YBX1: variants seen among roughly 807,000 people sequenced by gnomAD.
YBX1 encodes the protein Y-box binding protein 1.
A neutral mutation model predicts 41.4 loss-of-function variants in YBX1; 3 were observed. That is an observed-to-expected ratio of 0.07 (90% CI 0.03 to 0.19). The LOEUF is 0.19. Ranked by LOEUF, YBX1 falls within the 10% of genes least tolerant of loss-of-function variation. The probability of loss-of-function intolerance (pLI) is 1.00; values close to 1 mark genes in which losing one functional copy is unlikely to be tolerated. For synonymous variants in YBX1, 133 were observed against 165.8 expected, an observed-to-expected ratio of 0.80 and a Z score of 1.52; for missense variants, 274 against 462.8, an observed-to-expected ratio of 0.59 and a Z score of 3.74.
rs769515534 is a variant in YBX1, at chr1:42,683,400, C to T, written c.167-3C>T. 6.8e-6 allele frequency: 11 copies of T among 1,614,182 alleles called. No individual in the cohort carries two copies. In the Admixed American group the frequency reaches 1.3e-4, roughly 20 times the overall value. The stretch of plus-strand genomic sequence containing the variant: ...GCTTGTTTTGCTTTGTTTTCTTTTC[C>T]AGCAACGAAGGTTTTGGGAACAGTA... On this transcript the variant is annotated splice_polypyrimidine_tract_variant and splice_region_variant and intron_variant, in intron 1 of 7. Transcript: ENST00000321358.
At chr1:42,693,300 G>GT (rs1347744519) in intron 2 of YBX1, among the ~76,000 whole-genome samples, 190 bp from the exon 3 acceptor site, 2 of 151,052 alleles carry the variant, frequency 1.3e-5, no homozygotes, top group Non-Finnish European at 2.9e-5. Context: ...TATCTTACGG[G>GT]TAATGAGGCT....
intron 2 of YBX1, among the ~76,000 whole-genome samples, chr1:42,684,880 A>G (rs1438685634): frequency 6.6e-6 from 1 of 152,204 alleles, no homozygotes; most frequent in African/African-American, 2.4e-5. Context: ...CCCTTAAACC[A>G]GTGGTTTTCA....
chr1:42,682,594 C>T lies in YBX1; in HGVS notation c.29C>T (p.Pro10Leu), dbSNP rs1174170325. The change falls in exon 1 of 8, where the codon CCG becomes CTG. Residue 10 changes from proline (P) to leucine (L), a missense_variant. Physicochemically the swap from Pro to Leu is moderately conservative, Grantham distance 98. Transcript: ENST00000321358. ...AGCAGCGAGGCCGAGACCCAGCAGC[C>T]GCCCGCCGCCCCCCCCGCCGCCCCC... MSSEAETQQ[P>L]PAAPPAAPAL... is the part of the protein sequence containing the mutation. The T allele has an allele frequency of 3.4e-6, 5 of 1,455,130 alleles. No individual in the cohort carries two copies. The highest frequency in any genetic ancestry group is 4.9e-5 in the Admixed American group (2 of 40,860). 90.1% of individuals were successfully genotyped at this position (1,455,130 alleles called of 1,614,324 possible).
At position 42,683,440 on chromosome 1, in the gene YBX1, A is replaced by T. The variant is rs1460498820; in HGVS notation, c.204A>T (p.Val68=). The T allele has an allele frequency of 6.2e-7, 1 of 1,613,958 alleles. No homozygotes were observed. The highest frequency in any genetic ancestry group is 1.1e-5 in the South Asian group (1 of 91,084). The change falls in exon 2 of 8, where the codon GTA becomes GTT. Residue 68 remains valine (V), a synonymous_variant. Transcript: ENST00000321358. ...TGGGAACAGTAAAATGGTTCAATGT[A>T]AGGAACGGATATGGTTTCATCAACA... ...KVLGTVKWFN[V]RNGYGFINRN...
chr1:42,690,699 C>G (rs1422613008), intron 2 of YBX1, among the ~76,000 whole-genome samples: 1 of 152,218 alleles, frequency 6.6e-6, no homozygotes, highest in East Asian at 1.9e-4. Context: ...GTTCATACCT[C>G]TCATCTTTAG....
intron 2 of YBX1, among the ~76,000 whole-genome samples, chr1:42,685,252 C>G (rs1650165507): frequency 6.6e-6 from 1 of 152,152 alleles, no homozygotes. Context: ...CCATGAGATA[C>G]TGTTCATTGA....
chr1:42,699,572 A>G (rs1650543542), intron 6 of YBX1, among the ~76,000 whole-genome samples: 1 of 151,368 alleles, frequency 6.6e-6, no homozygotes, highest in Non-Finnish European at 1.5e-5. Flanking sequence ...TTAGTGGTAG[A>G]CTTTATACTT....
intron 6 of YBX1, among the ~76,000 whole-genome samples, chr1:42,700,550 C>T (rs1650568604): frequency 6.7e-6 from 1 of 149,056 alleles, no homozygotes; most frequent in South Asian, 2.2e-4. Context: ...AGTGAGCTGT[C>T]ATCATTCCAT....
intron 6 of YBX1, among the ~76,000 whole-genome samples, chr1:42,698,303 T>C (rs570674453): frequency 6.6e-6 from 1 of 152,350 alleles, no homozygotes; most frequent in South Asian, 2.1e-4. Context: ...CATCATATTT[T>C]TTGTATTAAT....
chr1:42,689,592 T>C (rs1049518715), intron 2 of YBX1, among the ~76,000 whole-genome samples: 40 of 152,182 alleles, frequency 2.6e-4, no homozygotes, highest in African/African-American at 9.7e-4. Flanking sequence ...AAGATAGTTA[T>C]GTTTTAAAAG....
intron 3 of YBX1, among the ~76,000 whole-genome samples, chr1:42,694,414 TCTCA>T (rs770357267): frequency 5.9e-5 from 9 of 152,198 alleles, no homozygotes; most frequent in Non-Finnish European, 1.2e-4. Flanking sequence ...CTATCAGTTT[TCTCA>T]CTAAGGCTTT....
chr1:42,683,566 C>A, intron 2 of YBX1, 100 bp downstream of exon 2: 1 of 1,367,010 alleles, frequency 7.3e-7, no homozygotes, highest in Non-Finnish European at 1.0e-6. Flanking sequence ...CAGCTCTGTT[C>A]TGAAAGGCGT....
At chr1:42,686,607 G>A (rs1051082825) in intron 2 of YBX1, among the ~76,000 whole-genome samples, 3 of 152,170 alleles carry the variant, frequency 2.0e-5, no homozygotes, top group Non-Finnish European at 2.9e-5. Context: ...CTTTAGTCAC[G>A]CCTATCAGGT....
At chr1:42,682,900 C>A in intron 1 of YBX1, 169 bp downstream of exon 1, 1 of 235,002 alleles carries the variant, frequency 4.3e-6, no homozygotes, top group Non-Finnish European at 7.6e-6. Context: ...GGGACCCGCC[C>A]GGCAGGCGCG....
At chr1:42,682,815 C>T (rs1570411922) in intron 1 of YBX1, 84 bp downstream of exon 1, 6 of 975,620 alleles carry the variant, frequency 6.1e-6, no homozygotes, top group Non-Finnish European at 6.5e-6. Context: ...AGCCGGCGGG[C>T]GCGCGGCCGG....
chr1:42,692,576 C>G (rs1339770872), intron 2 of YBX1, among the ~76,000 whole-genome samples: 1 of 152,196 alleles, frequency 6.6e-6, no homozygotes, highest in African/African-American at 2.4e-5. Context: ...CCCAGTTCAG[C>G]AAGAAGCTAA....
At position 42,703,029 on chromosome 1, in the gene YBX1, G is replaced by T. The variant is rs1308690899; in HGVS notation, c.*1080G>T. 6.6e-6 allele frequency among the ~76,000 whole-genome samples: 1 copy of T among 152,096 alleles called. No homozygotes were observed. Among genetic ancestry groups the T allele is most frequent in the Non-Finnish European group, 1.5e-5 (1 of 68,006 alleles). Reference sequence around the variant, plus strand: ...GCAACCTCCACCTCTAGGTTTAAGCGATTCTCCTGCCTCGGCCACCTTAGT... The same window carrying T: ...GCAACCTCCACCTCTAGGTTTAAGCTATTCTCCTGCCTCGGCCACCTTAGT... On this transcript the variant is annotated 3_prime_UTR_variant, in exon 8 of 8. Transcript: ENST00000321358.
chr1:42,690,172 C>T (rs1371261594), intron 2 of YBX1, among the ~76,000 whole-genome samples: 2 of 151,660 alleles, frequency 1.3e-5, no homozygotes, highest in Admixed American at 6.6e-5. Flanking sequence ...AAGATCGCTA[C>T]TGCACTCCAG....
In YBX1 at chr1:42,700,830, A is replaced by G; in HGVS notation, c.790A>G (p.Lys264Glu). 2 of 1,612,828 alleles carry G rather than the reference A, an allele frequency of 1.2e-6. No individual in the cohort carries two copies. The highest frequency in any genetic ancestry group is 1.7e-6 in the Non-Finnish European group (2 of 1,179,822). The change falls in exon 7 of 8, where the codon AAA (lysine) becomes GAA (glutamate). Residue 264 changes from lysine to glutamate, a missense_variant. Transcript: ENST00000321358. ...QPREDGNEED[K>E]ENQGDETQGQ... ...TAGAGAGGACGGCAATGAAGAAGATAAAGAAAATCAAGGAGATGAGACCCA... is the reference window on the plus strand; with the variant it reads ...TAGAGAGGACGGCAATGAAGAAGATGAAGAAAATCAAGGAGATGAGACCCA...
Sources: gnomAD v4.1 joint callset for allele counts (sites outside exome capture counted in the v4.1 genomes callset) on GRCh38, gnomAD v4.1.1 for gene constraint, MANE v1.5 for transcripts, NCBI Gene and HGNC (gene_info 2026-07-23, HGNC 2026-07-21) for gene names.